FAM222A: variants seen among roughly 807,000 people sequenced by gnomAD.
The protein encoded by FAM222A is family with sequence similarity 222 member A, also known as protein FAM222A.
In FAM222A, 7 loss-of-function variants were observed where a neutral mutation model predicts 25.8. The observed-to-expected ratio is 0.27, with a 90% CI of 0.15 to 0.51. FAM222A has a LOEUF of 0.51. FAM222A is among the 20% of genes least tolerant of loss of function. The pLI, the probability that FAM222A is intolerant of heterozygous loss-of-function variation, is 0.97. For synonymous variants in FAM222A, 294 were observed against 298.8 expected (o/e 0.98, Z 0.17); for missense variants, 573 against 640.5 (o/e 0.89, Z 1.14).
intron 2 of FAM222A, among the ~76,000 whole-genome samples, chr12:109,748,007 G>A (rs560110599): frequency 6.6e-6 from 1 of 152,210 alleles, no homozygotes; most frequent in Non-Finnish European, 1.5e-5. Context: ...TTAAGCAAAT[G>A]CTGGCTTTGG....
intron 1 of FAM222A, among the ~76,000 whole-genome samples, chr12:109,717,139 G>GC (rs1220562453): frequency 1.3e-5 from 2 of 152,118 alleles, no homozygotes; most frequent in Non-Finnish European, 2.9e-5. Flanking sequence ...GGGGAGTCTG[G>GC]CCCCACCAAG....
At chr12:109,723,308 G>A (rs988698370) in intron 1 of FAM222A, among the ~76,000 whole-genome samples, 3 of 152,198 alleles carry the variant, frequency 2.0e-5, no homozygotes, top group African/African-American at 7.2e-5. Flanking sequence ...GACATAAGGA[G>A]GCCAGGCCAG....
At chr12:109,749,784 A>C (rs1347722255) in intron 2 of FAM222A, among the ~76,000 whole-genome samples, 1 of 152,218 alleles carries the variant, frequency 6.6e-6, no homozygotes, top group East Asian at 1.9e-4. Flanking sequence ...TAATAATCTT[A>C]AATCTTCATA....
At chr12:109,744,702 C>A in intron 2 of FAM222A, 1 of 985,404 alleles carries the variant, frequency 1.0e-6, no homozygotes, top group South Asian at 4.7e-5. Context: ...GGGGTCTGTT[C>A]TCACTATCTA....
intron 2 of FAM222A, among the ~76,000 whole-genome samples, chr12:109,758,655 C>T (rs1888802553): frequency 6.6e-6 from 1 of 152,158 alleles, no homozygotes; most frequent in Non-Finnish European, 1.5e-5. Context: ...TGCCCCCACT[C>T]CTGGGCGACC....
chr12:109,739,211 C>G (rs1032111749), intron 1 of FAM222A, among the ~76,000 whole-genome samples: 3 of 152,250 alleles, frequency 2.0e-5, no homozygotes, highest in Admixed American at 2.0e-4. Flanking sequence ...CCTATTCTGC[C>G]TTGGGGTCAA....
At chr12:109,743,678 C>G (rs1888308286) in intron 1 of FAM222A, among the ~76,000 whole-genome samples, 2 of 152,342 alleles carry the variant, frequency 1.3e-5, no homozygotes, top group Non-Finnish European at 1.5e-5. Context: ...GAGCACCCCT[C>G]TGTGTAGATG....
chr12:109,754,244 T>A (rs1006973855), intron 2 of FAM222A, among the ~76,000 whole-genome samples: 1 of 151,980 alleles, frequency 6.6e-6, no homozygotes, highest in African/African-American at 2.4e-5. Context: ...TAAAAGGTAG[T>A]ATAAGGATTA....
In FAM222A at chr12:109,741,314, T is replaced by G. The variant is rs574878123; in HGVS notation, c.-46-2787T>G. 2.0e-5 allele frequency among the ~76,000 whole-genome samples: 3 copies of G among 152,294 alleles called. No homozygotes were observed. The East Asian group carries it at 5.8e-4, about 29-fold the overall frequency. ...AGTGAAGAGCATCTCTCAGGCTGCC[T>G]GTAGCCCTCCAGAAGCAAGGAATGG... On this transcript the variant is annotated intron_variant, in intron 1 of 2. Coordinates refer to ENST00000538780, the MANE Select transcript of FAM222A (RefSeq NM_032829.3).
At chr12:109,722,142 G>A (rs923126465) in intron 1 of FAM222A, among the ~76,000 whole-genome samples, 1 of 152,182 alleles carries the variant, frequency 6.6e-6, no homozygotes, top group Non-Finnish European at 1.5e-5. Context: ...GTGAACGTCC[G>A]GGTGGAGGGA....
chr12:109,752,829 G>A (rs1037035166), intron 2 of FAM222A, among the ~76,000 whole-genome samples: 1 of 152,174 alleles, frequency 6.6e-6, no homozygotes, highest in African/African-American at 2.4e-5. Context: ...AAATGGCCAG[G>A]GAACCAGAAA....
At chr12:109,739,450 T>C (rs1374406773) in intron 1 of FAM222A, among the ~76,000 whole-genome samples, 1 of 152,226 alleles carries the variant, frequency 6.6e-6, no homozygotes, top group Non-Finnish European at 1.5e-5. Context: ...AAGTGTTTGC[T>C]GCCTAAATGA....
At chr12:109,754,872 A>G (rs1323644608) in intron 2 of FAM222A, among the ~76,000 whole-genome samples, 1 of 151,994 alleles carries the variant, frequency 6.6e-6, no homozygotes, top group Non-Finnish European at 1.5e-5. Context: ...GGGTCTCACT[A>G]TGTTACCCAG....
chr12:109,761,446 A>C (rs1348621047), intron 2 of FAM222A, among the ~76,000 whole-genome samples: 5 of 152,168 alleles, frequency 3.3e-5, no homozygotes, highest in Non-Finnish European at 7.4e-5. Context: ...GCTGCTGGCA[A>C]TTATAGAAAA....
At chr12:109,761,318 G>A (rs914631675) in intron 2 of FAM222A, among the ~76,000 whole-genome samples, 1 of 152,152 alleles carries the variant, frequency 6.6e-6, no homozygotes, top group Admixed American at 6.5e-5. Context: ...GGGTCCACGG[G>A]AGTACGAGGA....
At chr12:109,760,905 C>T (rs932500319) in intron 2 of FAM222A, among the ~76,000 whole-genome samples, 2 of 152,118 alleles carry the variant, frequency 1.3e-5, no homozygotes, top group Non-Finnish European at 2.9e-5. Flanking sequence ...CTCAGACTCA[C>T]GCAAGCAGGA....
chr12:109,739,089 G>A (rs979091871), intron 1 of FAM222A, among the ~76,000 whole-genome samples: 2 of 152,238 alleles, frequency 1.3e-5, no homozygotes, highest in African/African-American at 4.8e-5. Flanking sequence ...AGCCAGGTGG[G>A]TAGCTCTAGG....
In FAM222A at chr12:109,769,190, A is replaced by G. The variant is rs1302367822; in HGVS notation, c.1261A>G (p.Ile421Val). The G allele has an allele frequency of 3.1e-6, 5 of 1,612,368 alleles. No homozygotes were observed. The highest frequency in any genetic ancestry group is 1.1e-5 in the South Asian group (1 of 90,948). Residue 421 changes from isoleucine to valine, a missense_variant, in exon 3 of 3, where the codon ATC (isoleucine) becomes GTC (valine). Around this residue, in one of 3 missense-constraint regions of FAM222A, gnomAD observed 49 missense variants for 78.9 expected, o/e 0.62. Coordinates refer to ENST00000538780, the MANE Select transcript of FAM222A (RefSeq NM_032829.3). ...YLINDIRPPC[I>V]KEQMLGKGYE... ...CATCAACGACATCCGGCCGCCCTGC[A>G]TCAAGGAGCAGATGCTGGGCAAGGG...
chr12:109,752,501 C>A (rs1247297002), intron 2 of FAM222A, among the ~76,000 whole-genome samples: 1 of 152,226 alleles, frequency 6.6e-6, no homozygotes, highest in Admixed American at 6.5e-5. Flanking sequence ...TGGGCAGAAC[C>A]AGGACAGGAA....
Sources: allele counts gnomAD v4.1 joint callset (sites outside exome capture counted in the v4.1 genomes callset), GRCh38; gene constraint gnomAD v4.1.1; regional missense constraint gnomAD v4.1.1; transcripts MANE v1.5; gene names NCBI Gene and HGNC (gene_info 2026-07-23, HGNC 2026-07-21).